The following RBM19 variants were observed in gnomAD, a reference collection of about 807,000 sequenced individuals.
The protein encoded by RBM19 is RNA binding motif protein 19, also known as probable RNA-binding protein 19.
RBM19 carries 94 observed loss-of-function variants against 116.8 expected under a neutral mutation model. That is an observed-to-expected ratio of 0.80 (90% CI 0.68 to 0.95). RBM19 has a LOEUF of 0.95. Ranked by LOEUF, RBM19 falls within the 40% of genes least tolerant of loss-of-function variation. The pLI, the probability that RBM19 is intolerant of heterozygous loss-of-function variation, is 0.00. For synonymous variants in RBM19, 475 were observed against 494.1 expected (o/e 0.96, Z 0.51); for missense variants, 1,161 against 1,220.7 (o/e 0.95, Z 0.73).
At chr12:113,884,282 CAAAA>C (rs112733518) in intron 21 of RBM19, among the ~76,000 whole-genome samples, 3 of 121,422 alleles carry the variant, frequency 2.5e-5, no homozygotes, top group Non-Finnish European at 5.0e-5. Flanking sequence ...GACAATATCT[CAAAA>C]AAAAAAAAGT....
intron 16 of RBM19, chr12:113,932,495 A>G (rs1869693382): frequency 6.6e-6 from 1 of 152,166 alleles, no homozygotes; most frequent in South Asian, 2.1e-4. Flanking sequence ...CCTGCAGGGT[A>G]AGCTGCTGGC....
chr12:113,936,118 TA>T (rs548286094), intron 16 of RBM19, among the ~76,000 whole-genome samples: 61 of 151,358 alleles, frequency 4.0e-4, no homozygotes, highest in African/African-American at 1.3e-3. Context: ...AAATGTCCTT[TA>T]AAAAAAAATG....
chr12:113,833,905 G>A (rs1875653939), intron 23 of RBM19, among the ~76,000 whole-genome samples: 1 of 151,992 alleles, frequency 6.6e-6, no homozygotes, highest in Admixed American at 6.6e-5. Flanking sequence ...CACCATGCCT[G>A]GCTAATTTTT....
intron 13 of RBM19, among the ~76,000 whole-genome samples, chr12:113,943,980 C>CAGTGCCTG (rs1356685857): frequency 1.3e-5 from 2 of 151,978 alleles, no homozygotes; most frequent in Non-Finnish European, 2.9e-5. Flanking sequence ...CACTGACCTT[C>CAGTGCCTG]AGTGCCTGGT....
At chr12:113,958,881 G>C (rs1166243080) in intron 5 of RBM19, among the ~76,000 whole-genome samples, 2 of 152,120 alleles carry the variant, frequency 1.3e-5, no homozygotes, top group African/African-American at 4.8e-5. Context: ...CCCAACAGTG[G>C]ACTTATTTGC....
intron 21 of RBM19, among the ~76,000 whole-genome samples, chr12:113,884,767 G>GA (rs36021183): frequency 1.3e-5 from 2 of 150,404 alleles, no homozygotes; most frequent in South Asian, 2.1e-4. Context: ...CTTAAGGGTC[G>GA]AAAAAAAAAG....
At chr12:113,891,219 C>T (rs1376012151) in intron 21 of RBM19, among the ~76,000 whole-genome samples, 2 of 152,214 alleles carry the variant, frequency 1.3e-5, no homozygotes, top group Non-Finnish European at 2.9e-5. Flanking sequence ...GGAAACATCC[C>T]GCCATCTCCT....
chr12:113,844,542 G>A (rs1285555546), intron 23 of RBM19, 126 bp downstream of exon 23: 1 of 1,287,274 alleles, frequency 7.8e-7, no homozygotes, highest in African/African-American at 1.5e-5. Context: ...TGCCCAGCAG[G>A]AGGTGCTTGG....
At chr12:113,888,037 C>G (rs1293059211) in intron 21 of RBM19, among the ~76,000 whole-genome samples, 3 of 152,114 alleles carry the variant, frequency 2.0e-5, no homozygotes, top group Non-Finnish European at 4.4e-5. Context: ...CAACTTTTTA[C>G]AAGTCCCTGA....
chr12:113,918,715 A>G (rs1882933782), intron 19 of RBM19, among the ~76,000 whole-genome samples: 1 of 152,242 alleles, frequency 6.6e-6, no homozygotes, highest in Admixed American at 6.5e-5. Context: ...TTCAAGGGAC[A>G]CGGAATTTTC....
rs931386092 is a variant in RBM19 at position 113,893,809 on chromosome 12, A to G, written c.2558+21160T>C. On this transcript the variant is annotated intron_variant, in intron 21 of 23. Coordinates refer to ENST00000261741, the MANE Select transcript of RBM19 (RefSeq NM_016196.4). ...TTGGCTCTTTCAATTGACATTGAGT[A>G]AAGTGAAAATTCAATTCCTCAGTCA... 2.0e-5 allele frequency among the ~76,000 whole-genome samples: 3 copies of G among 152,260 alleles called. No individual in the cohort carries two copies. The East Asian group carries it at 5.8e-4, about 29-fold the overall frequency.
chr12:113,817,808 G>A (rs1232898828), downstream of RBM19: 1 of 152,362 alleles, frequency 6.6e-6, no homozygotes, highest in East Asian at 1.9e-4. Flanking sequence ...AAAGGGTTAG[G>A]AACAGGCTGG....
At chr12:113,820,860 C>T (rs946033755), downstream of RBM19, among the ~76,000 whole-genome samples, 2 of 152,192 alleles carry the variant, frequency 1.3e-5, no homozygotes, top group Non-Finnish European at 2.9e-5. Context: ...GCTCTCCCTC[C>T]TCTTGCTACC....
chr12:113,857,079 A>G (rs3782441), intron 22 of RBM19, among the ~76,000 whole-genome samples: 10,052 of 152,300 alleles, frequency 0.066, 647 homozygotes, highest in East Asian at 0.34. Flanking sequence ...TTCTCCCCCA[A>G]GCACAGCCTC....
chr12:113,834,417 C>G lies in RBM19; in HGVS notation c.2785+10251G>C, dbSNP rs143016595. 1.3e-3 allele frequency among the ~76,000 whole-genome samples: 196 copies of G among 152,272 alleles called. No homozygotes were observed. In the Middle Eastern group the frequency reaches 0.021, roughly 16 times the overall value. ...GAGTCACCATGGGAGGAACTAGCCA[C>G]CCCTGGCTTTTGGATAAAATAAGGG... On this transcript the variant is annotated intron_variant, in intron 23 of 23. Coordinates refer to ENST00000261741, the MANE Select transcript of RBM19 (RefSeq NM_016196.4).
chr12:113,906,110 T>G (rs1402293305), intron 21 of RBM19, among the ~76,000 whole-genome samples: 2 of 152,242 alleles, frequency 1.3e-5, no homozygotes, highest in Non-Finnish European at 2.9e-5. Flanking sequence ...GGCCCTGCAA[T>G]TCCATACCTA....
intron 6 of RBM19, among the ~76,000 whole-genome samples, chr12:113,955,750 C>T (rs894705460): frequency 6.6e-6 from 1 of 152,230 alleles, no homozygotes; most frequent in African/African-American, 2.4e-5. Flanking sequence ...GCAAAGCCTG[C>T]CCTGAGTGGA....
chr12:113,872,093 C>T (rs1350194023), intron 21 of RBM19, among the ~76,000 whole-genome samples: 4 of 147,680 alleles, frequency 2.7e-5, no homozygotes, highest in Non-Finnish European at 6.0e-5. Context: ...CGCCTCTTCC[C>T]AGCCGCCATC....
At chr12:113,867,185 C>A (rs1416659674) in intron 21 of RBM19, among the ~76,000 whole-genome samples, 1 of 152,230 alleles carries the variant, frequency 6.6e-6, no homozygotes. Context: ...CAGAGAGGGT[C>A]TTGCCATGGC....
Sources: gnomAD v4.1 joint callset for allele counts (sites outside exome capture counted in the v4.1 genomes callset) on GRCh38, gnomAD v4.1.1 for gene constraint, MANE v1.5 for transcripts, NCBI Gene and HGNC (gene_info 2026-07-23, HGNC 2026-07-21) for gene names.